The following TBC1D16 variants were observed in gnomAD, a reference collection of about 807,000 sequenced individuals.
TBC1D16 encodes CTD-2529O21.1.
Under a neutral mutation model 74.7 loss-of-function variants are expected in TBC1D16, and 58 were observed. The ratio of observed to expected loss-of-function variants is 0.78; its 90% CI spans 0.63 to 0.97. The LOEUF (loss-of-function observed/expected upper bound fraction) is 0.97. Ranked by LOEUF, TBC1D16 falls within the 50% of genes least tolerant of loss-of-function variation. TBC1D16 has a pLI of 0.00. For missense variants in TBC1D16, 1,014 were observed against 1,079.5 expected (o/e 0.94, Z 0.85); for synonymous variants, 493 against 474.7 (o/e 1.04, Z -0.50).
At chr17:80,023,658 C>A (rs917254592) in intron 1 of TBC1D16, among the ~76,000 whole-genome samples, 6 of 93,376 alleles carry the variant, frequency 6.4e-5, no homozygotes, top group Admixed American at 1.9e-4. Context: ...TGCTGCCGGG[C>A]CCCCCCCCAC....
chr17:79,945,230 TG>T, intron 9 of TBC1D16, 143 bp from the exon 10 acceptor site: 1 of 867,694 alleles, frequency 1.2e-6, no homozygotes, highest in South Asian at 1.8e-5. Flanking sequence ...TGCATGTGCC[TG>T]CCCCCCCAAC....
rs748056570 is a variant in TBC1D16 at position 79,939,961 on chromosome 17, A to ACACGCACGCACGTGTGCATGCATG, written c.*874_*897dup. ...TTGTCAGAGGATCTTGCAAACACAAACACGCACGCACGTGTGCATGCATGC... is the reference window on the plus strand; with the variant it reads ...TTGTCAGAGGATCTTGCAAACACAAACACGCACGCACGTGTGCATGCATGCACGCACGCACGTGTGCATGCATGC... On this transcript the variant is annotated 3_prime_UTR_variant, in exon 12 of 12. Coordinates refer to ENST00000310924, the MANE Select transcript of TBC1D16 (RefSeq NM_019020.4). The ACACGCACGCACGTGTGCATGCATG allele has an allele frequency of 8.5e-5, 13 of 152,200 alleles. No individual in the cohort carries two copies. The highest frequency in any genetic ancestry group is 1.5e-4 in the Non-Finnish European group (10 of 67,988). The allele number at this position is 152,200 out of a possible 1,614,324, so 9.4% of individuals were successfully genotyped here.
In TBC1D16 at chr17:79,947,654, CT is replaced by C; in HGVS notation, c.1718del (p.Glu573GlyfsTer13). 6.2e-7 allele frequency: 1 copy of C among 1,614,118 alleles called. No homozygotes were observed. Among genetic ancestry groups the C allele is most frequent in the East Asian group, 2.2e-5 (1 of 44,882 alleles). On this transcript the variant is annotated frameshift_variant, in exon 9 of 12. Transcript: ENST00000310924. LOFTEE classifies it high-confidence loss of function. ...FVSSPRDEDMEKQLLYLRELL... is the reference protein window; with the variant it reads ...FVSSPRDEDMXKQLLYLRELL... Reference sequence around the variant, plus strand: ...TCCCCCTGAGCCTCACCAGTTGTTTCTCCATGTCCTCGTCCCGGGGTGAGCT... The same window carrying C: ...TCCCCCTGAGCCTCACCAGTTGTTTCCCATGTCCTCGTCCCGGGGTGAGCT...
rs1568633508 is a variant in TBC1D16 at position 80,010,371 on chromosome 17, C to T, written c.568G>A (p.Val190Ile). The T allele has an allele frequency of 6.2e-7, 1 of 1,612,284 alleles. No homozygotes were observed. Among genetic ancestry groups the T allele is most frequent in the Non-Finnish European group, 8.5e-7 (1 of 1,179,380 alleles). ...ACSPSGILST[V>I]SPQDVTEEGR... ...TCCTCGGTGACATCCTGCGGACTGACCGTCGACAAGATCCCGGAGGGGCTG... is the reference window on the plus strand; with the variant it reads ...TCCTCGGTGACATCCTGCGGACTGATCGTCGACAAGATCCCGGAGGGGCTG... Residue 190 changes from valine (V) to isoleucine (I), a missense_variant, in exon 3 of 12, where the codon GTC becomes ATC. Coordinates refer to ENST00000310924, the MANE Select transcript of TBC1D16 (RefSeq NM_019020.4). The surrounding 1 kb of genome is among the most constrained non-coding windows in gnomAD (Gnocchi z 8.8).
At chr17:80,024,016 T>C (rs1285760970) in intron 1 of TBC1D16, 1 of 145,996 alleles carries the variant, frequency 6.8e-6, no homozygotes, top group Non-Finnish European at 1.5e-5. Flanking sequence ...GCGCAGAAGG[T>C]AAGGACGCAG....
chr17:79,977,269 G>C (rs922574827), intron 3 of TBC1D16, among the ~76,000 whole-genome samples: 3 of 152,306 alleles, frequency 2.0e-5, no homozygotes, highest in African/African-American at 7.2e-5. Context: ...TCCCAGAGAC[G>C]GCCCGGTGCA....
rs1441295550 is a variant in TBC1D16, at chr17:79,945,960, C to G, written c.1729-873G>C. On this transcript the variant is annotated intron_variant, in intron 9 of 11. Transcript: ENST00000310924. Reference sequence around the variant, plus strand: ...GACTGCGCTGAAGCTGTGCGGCCAGCCCTCCGCCCTGTGGCCTACGGCCAG... The same window carrying G: ...GACTGCGCTGAAGCTGTGCGGCCAGGCCTCCGCCCTGTGGCCTACGGCCAG... Among the ~76,000 whole-genome samples the G allele has an allele frequency of 2.0e-5, 3 of 152,300 alleles. No individual in the cohort carries two copies. The East Asian group carries it at 5.8e-4, about 30-fold the overall frequency.
Position 79,940,735 on chromosome 17 carries a change from C to T in TBC1D16, c.*124G>A. On this transcript the variant is annotated 3_prime_UTR_variant, in exon 12 of 12. Coordinates refer to ENST00000310924, the MANE Select transcript of TBC1D16 (RefSeq NM_019020.4). The surrounding 1 kb of genome is among the most constrained non-coding windows in gnomAD (Gnocchi z 5.4). ...ATATGAAAAGGTTCCTCTCATGTTG[C>T]CCAAAAGCATTTTCCTTAGGTTTCT... 1 of 1,203,130 alleles carries T rather than the reference C, an allele frequency of 8.3e-7. No individual in the cohort carries two copies. The highest frequency in any genetic ancestry group is 1.1e-6 in the Non-Finnish European group (1 of 909,288). The allele number at this position is 1,203,130 out of a possible 1,614,324, so 74.5% of individuals were successfully genotyped here.
chr17:79,960,779 C>CAAAA lies in TBC1D16; in HGVS notation c.780-7965_780-7962dup, dbSNP rs746450905. Among the ~76,000 whole-genome samples, 88 of 33,938 alleles carry CAAAA rather than the reference C, an allele frequency of 2.6e-3. 26 individuals carry two copies. The highest frequency in any genetic ancestry group is 5.4e-3 in the East Asian group (5 of 930). The allele number at this position is 33,938 out of a possible 152,430, so 22.3% of individuals were successfully genotyped here. A position where few individuals can be genotyped will look rare whatever the true frequency, so the allele number is the denominator to read the frequency against. The stretch of plus-strand genomic sequence containing the variant: ...CAAAAAAACCCAAAAAACAAAAACC[C>CAAAA]AAAAAAAAAAAAAAAAAAAAAAAAA... On this transcript the variant is annotated intron_variant, in intron 3 of 11. Transcript: ENST00000310924.
In TBC1D16 at chr17:79,962,201, ATTTTTTTT is replaced by A. The variant is rs563506473; in HGVS notation, c.780-9391_780-9384del. ...ATCATCAAATTTACCATCTCAACCTATTTTTTTTTTTTTTTTTTTTTTTTTTTTGAGAC... is the reference window on the plus strand; with the variant it reads ...ATCATCAAATTTACCATCTCAACCTATTTTTTTTTTTTTTTTTTTTGAGAC... On this transcript the variant is annotated intron_variant, in intron 3 of 11. Transcript: ENST00000310924. Among the ~76,000 whole-genome samples, 193 of 64,990 alleles carry A rather than the reference ATTTTTTTT, an allele frequency of 3.0e-3. 2 individuals carry two copies. Among genetic ancestry groups the A allele is most frequent in the African/African-American group, 0.011 (184 of 16,644 alleles). The allele number at this position is 64,990 out of a possible 152,430, so 42.6% of individuals were successfully genotyped here. A position where few individuals can be genotyped will look rare whatever the true frequency, so the allele number is the denominator to read the frequency against.
rs1323640206 is a variant in TBC1D16, at chr17:79,954,068, C to T, written c.780-1250G>A. On this transcript the variant is annotated intron_variant, in intron 3 of 11. Coordinates refer to ENST00000310924, the MANE Select transcript of TBC1D16 (RefSeq NM_019020.4). The surrounding 1 kb of genome is among the most constrained non-coding windows in gnomAD (Gnocchi z 5.5). ...TACAGGCGTGAGCCATCGCGCCTGA[C>T]ACTCTCTTGAGATTTAATGTCTAGC... Among the ~76,000 whole-genome samples, 1 of 152,216 alleles carries T rather than the reference C, an allele frequency of 6.6e-6. No homozygotes were observed.
rs62076647 is a variant in TBC1D16 at position 79,940,763 on chromosome 17, C to T, written c.*96G>A. On this transcript the variant is annotated 3_prime_UTR_variant, in exon 12 of 12. Transcript: ENST00000310924. This position sits in a 1 kb window ranked among gnomAD's most constrained non-coding sequence, Gnocchi z 5.4. ...AAAAGCATTTTCCTTAGGTTTCTAC[C>T]GTCCCCTGTCCCCTTCACGCCCAGC... 1.3e-5 allele frequency: 18 copies of T among 1,347,284 alleles called. No homozygotes were observed. The highest frequency in any genetic ancestry group is 2.7e-4 in the Middle Eastern group (1 of 3,672). The allele number at this position is 1,347,284 out of a possible 1,614,324, so 83.5% of individuals were successfully genotyped here.
rs2031946806 is a variant in TBC1D16 at position 79,941,187 on chromosome 17, C to G, written c.2056-80G>C. Reference sequence around the variant, plus strand: ...GGGTCCCCATGGGAGTGGCCAAAGACAGCAACAGCAGCAACAACGGCCTGC... The same window carrying G: ...GGGTCCCCATGGGAGTGGCCAAAGAGAGCAACAGCAGCAACAACGGCCTGC... On this transcript the variant is annotated intron_variant, in intron 11 of 11. Transcript: ENST00000310924. This position sits in a 1 kb window ranked among gnomAD's most constrained non-coding sequence, Gnocchi z 4.3. 1 of 1,348,078 alleles carries G rather than the reference C, an allele frequency of 7.4e-7. No individual in the cohort carries two copies. Among genetic ancestry groups the G allele is most frequent in the Non-Finnish European group, 1.0e-6 (1 of 995,026 alleles). The allele number at this position is 1,348,078 out of a possible 1,614,324, so 83.5% of individuals were successfully genotyped here.
At chr17:80,012,272 G>A (rs73425708) in intron 2 of TBC1D16, among the ~76,000 whole-genome samples, 2,705 of 152,252 alleles carry the variant, frequency 0.018, 31 homozygotes, top group Middle Eastern at 0.044. Context: ...GAGGGTCCGA[G>A]GTGGCTACTC....
rs2031437848 is a variant in TBC1D16, at chr17:79,934,167, TAC to T, written c.*6690_*6691del. 6.6e-6 allele frequency: 1 copy of T among 152,236 alleles called. No homozygotes were observed. Among genetic ancestry groups the T allele is most frequent in the Non-Finnish European group, 1.5e-5 (1 of 68,054 alleles). The allele number at this position is 152,236 out of a possible 1,614,324, so 9.4% of individuals were successfully genotyped here. A position where few individuals can be genotyped will look rare whatever the true frequency, so the allele number is the denominator to read the frequency against. On this transcript the variant is annotated 3_prime_UTR_variant, in exon 12 of 12. Transcript: ENST00000310924. The stretch of plus-strand genomic sequence containing the variant: ...TGTTCTCTTGCCCGGCGTGGGTGAC[TAC>T]ACAGTTGTCATTTACGGGGGAAGTA...
chr17:79,994,312 G>C lies in TBC1D16; in HGVS notation c.779+15848C>G, dbSNP rs1428030276. ...GGGGGTGCCAGGGCTGTGAACCCCCGACAAGAGGCAATGAAACCCCCTCCT... is the reference window on the plus strand; with the variant it reads ...GGGGGTGCCAGGGCTGTGAACCCCCCACAAGAGGCAATGAAACCCCCTCCT... On this transcript the variant is annotated intron_variant, in intron 3 of 11. Coordinates refer to ENST00000310924, the MANE Select transcript of TBC1D16 (RefSeq NM_019020.4). This position sits in a 1 kb window ranked among gnomAD's most constrained non-coding sequence, Gnocchi z 4.6. Among the ~76,000 whole-genome samples the C allele has an allele frequency of 6.6e-6, 1 of 152,026 alleles. No individual in the cohort carries two copies. The highest frequency in any genetic ancestry group is 2.1e-4 in the South Asian group (1 of 4,826).
rs991464079 is a variant in TBC1D16, at chr17:80,018,311, T to G, written c.-62-4702A>C. 1.5e-4 allele frequency among the ~76,000 whole-genome samples: 22 copies of G among 142,170 alleles called. 1 individual carries two copies. Among genetic ancestry groups the G allele is most frequent in the African/African-American group, 5.9e-4 (19 of 32,370 alleles). 93.3% of individuals were successfully genotyped at this position (142,170 alleles called of 152,430 possible). ...TTTTTTTATTTTTTGAGACGGAGTC[T>G]CACTCTGTAGCCCAGGCTGGAGTGC... is the stretch of plus-strand genomic sequence containing the variant. On this transcript the variant is annotated intron_variant, in intron 1 of 11. Coordinates refer to ENST00000310924, the MANE Select transcript of TBC1D16 (RefSeq NM_019020.4).
rs776054508 is a variant in TBC1D16, at chr17:79,940,856, G to A, written c.*3C>T. On this transcript the variant is annotated 3_prime_UTR_variant, in exon 12 of 12. Transcript: ENST00000310924. The surrounding 1 kb of genome is among the most constrained non-coding windows in gnomAD (Gnocchi z 5.4). ...AACCCCTGTCCGGTGTCGGGGGCCC[G>A]ACCTATCTGCGGAAGCCGAAGCCGT... 39 of 1,533,872 alleles carry A rather than the reference G, an allele frequency of 2.5e-5. No homozygotes were observed. The highest frequency in any genetic ancestry group is 1.4e-4 in the East Asian group (6 of 43,268).
chr17:79,994,312 G>A lies in TBC1D16; in HGVS notation c.779+15848C>T, dbSNP rs1428030276. 6.6e-6 allele frequency among the ~76,000 whole-genome samples: 1 copy of A among 152,026 alleles called. No homozygotes were observed. Among genetic ancestry groups the A allele is most frequent in the Non-Finnish European group, 1.5e-5 (1 of 68,014 alleles). Reference sequence around the variant, plus strand: ...GGGGGTGCCAGGGCTGTGAACCCCCGACAAGAGGCAATGAAACCCCCTCCT... The same window carrying A: ...GGGGGTGCCAGGGCTGTGAACCCCCAACAAGAGGCAATGAAACCCCCTCCT... On this transcript the variant is annotated intron_variant, in intron 3 of 11. Coordinates refer to ENST00000310924, the MANE Select transcript of TBC1D16 (RefSeq NM_019020.4). The surrounding 1 kb of genome is among the most constrained non-coding windows in gnomAD (Gnocchi z 4.6).
Sources: allele counts gnomAD v4.1 joint callset (sites outside exome capture counted in the v4.1 genomes callset), GRCh38; gene constraint gnomAD v4.1.1; non-coding constraint Gnocchi (gnomAD v3.1); transcripts MANE v1.5; gene names NCBI Gene and HGNC (gene_info 2026-07-23, HGNC 2026-07-21).